JCAD: variants seen among roughly 807,000 people sequenced by gnomAD.
JCAD encodes junctional cadherin 5-associated protein.
In JCAD, 40 loss-of-function variants were observed where a neutral mutation model predicts 98.0. That is an observed-to-expected ratio of 0.41 (90% CI 0.32 to 0.53). The LOEUF is 0.53. Ranked by LOEUF, JCAD falls within the 20% of genes least tolerant of loss-of-function variation. The probability of loss-of-function intolerance (pLI) is 0.31; values close to 1 mark genes in which losing one functional copy is unlikely to be tolerated. For missense variants in JCAD, 1,705 were observed against 1,738.1 expected (o/e 0.98, Z 0.34); for synonymous variants, 691 against 682.3 (o/e 1.01, Z -0.20).
chr10:30,100,562 G>A (rs998535067), intron 1 of JCAD, among the ~76,000 whole-genome samples: 1 of 152,034 alleles, frequency 6.6e-6, no homozygotes, highest in South Asian at 2.1e-4. Flanking sequence ...TTTGGTATTT[G>A]TAGTACCGAT....
chr10:30,050,210 G>T (rs563984836), intron 1 of JCAD, among the ~76,000 whole-genome samples: 1 of 148,074 alleles, frequency 6.8e-6, no homozygotes, highest in South Asian at 2.1e-4. Flanking sequence ...AGTTACTCAA[G>T]AGCCTGAAGG....
chr10:30,065,319 G>C (rs992259506), intron 2 of JCAD, among the ~76,000 whole-genome samples: 5 of 151,998 alleles, frequency 3.3e-5, no homozygotes, highest in Admixed American at 3.3e-4. Flanking sequence ...ACCCTGGTTT[G>C]ATTATATGAA....
intron 1 of JCAD, among the ~76,000 whole-genome samples, chr10:30,103,758 G>A (rs1326722572): frequency 7.2e-6 from 1 of 138,838 alleles, no homozygotes; most frequent in African/African-American, 2.7e-5. Context: ...TTTGGACAGA[G>A]TTTTGTGTTG....
rs148641196 is a variant in JCAD, at chr10:30,042,807, C to T, written c.281+4725G>A. Among the ~76,000 whole-genome samples, 1,249 of 152,254 alleles carry T rather than the reference C, an allele frequency of 8.2e-3. 16 individuals carry two copies. Among genetic ancestry groups the T allele is most frequent in the Non-Finnish European group, 0.012 (835 of 68,008 alleles). On this transcript the variant is annotated intron_variant, in intron 2 of 3. Transcript: ENST00000375377. Reference sequence around the variant, plus strand: ...CCCTCCCTTTCCTTTCAGGTAGGTTCCACTTCCTGCCTCCCAAAGGATCTA... The same window carrying T: ...CCCTCCCTTTCCTTTCAGGTAGGTTTCACTTCCTGCCTCCCAAAGGATCTA...
At chr10:30,083,536 A>G (rs543386240) in intron 1 of JCAD, among the ~76,000 whole-genome samples, 1 of 152,376 alleles carries the variant, frequency 6.6e-6, no homozygotes, top group South Asian at 2.1e-4. Flanking sequence ...TGTTCTACTC[A>G]ATAGAGACAA....
At chr10:30,100,694 T>C (rs1356262109) in intron 1 of JCAD, among the ~76,000 whole-genome samples, 2 of 152,176 alleles carry the variant, frequency 1.3e-5, no homozygotes, top group African/African-American at 2.4e-5. Context: ...CTATTCTACT[T>C]TATTCTTAAA....
chr10:30,040,807 C>T (rs555930031), intron 2 of JCAD, among the ~76,000 whole-genome samples: 1 of 152,184 alleles, frequency 6.6e-6, no homozygotes, highest in African/African-American at 2.4e-5. Context: ...GCACAGCCAT[C>T]TTTGAGGCAA....
intron 1 of JCAD, among the ~76,000 whole-genome samples, chr10:30,098,650 C>T (rs941014451): frequency 2.6e-5 from 4 of 152,170 alleles, no homozygotes; most frequent in African/African-American, 4.8e-5. Flanking sequence ...CTAAGATTTT[C>T]GACATGACAA....
intron 1 of JCAD, among the ~76,000 whole-genome samples, chr10:30,082,427 A>T (rs1158627518): frequency 6.6e-6 from 1 of 152,224 alleles, no homozygotes; most frequent in East Asian, 1.9e-4. Context: ...ATATTTTAAA[A>T]GATGATATGG....
chr10:30,047,725 G>T lies in JCAD; in HGVS notation c.88C>A (p.Arg30Ser). Reference sequence around the variant, plus strand: ...CGTGTCCCAGTCCTCGCTGCCTGGCGCCCCTTGGGGTTATCCTCGCGTGAT... The same window carrying T: ...CGTGTCCCAGTCCTCGCTGCCTGGCTCCCCTTGGGGTTATCCTCGCGTGAT... The part of the protein sequence containing the change: ...PASREDNPKG[R>S]QAARTGTRAG... Residue 30 changes from arginine (R) to serine (S), a missense_variant, in exon 2 of 4, where the codon CGC (arginine) becomes AGC (serine). Physicochemically the swap from Arg to Ser is moderately radical, Grantham distance 110. Around this residue, in one of 3 missense-constraint regions of JCAD, gnomAD observed 152 missense variants for 148.0 expected, o/e 1.03. Coordinates refer to ENST00000375377, the MANE Select transcript of JCAD (RefSeq NM_020848.4). 6.2e-7 allele frequency: 1 copy of T among 1,614,192 alleles called. No individual in the cohort carries two copies. Among genetic ancestry groups the T allele is most frequent in the South Asian group, 1.1e-5 (1 of 91,084 alleles).
intron 1 of JCAD, among the ~76,000 whole-genome samples, chr10:30,092,115 TATATATATATAA>T (rs1162937045): frequency 0.013 from 1,484 of 112,490 alleles, 165 homozygotes; most frequent in African/African-American, 0.052. Flanking sequence ...TATATATATA[TATATATATATAA>T]AAAACATTTT....
chr10:30,020,924 C>T (rs1014390249), intron 3 of JCAD, among the ~76,000 whole-genome samples: 2 of 152,230 alleles, frequency 1.3e-5, no homozygotes, highest in Admixed American at 6.5e-5. Context: ...CCTCACATTA[C>T]ATAACACTAG....
Position 30,097,175 on chromosome 10 carries a change from C to T in JCAD, n.128+18192G>A, listed in dbSNP as rs181370146. Among the ~76,000 whole-genome samples, 7 of 152,262 alleles carry T rather than the reference C, an allele frequency of 4.6e-5. No homozygotes were observed. The East Asian group carries it at 1.2e-3, about 25-fold the overall frequency. ...TGTCTAATATGGTGGGCACTGGCCA[C>T]GTGCAGCTAGCATAACTAAGGGCTG... On this transcript the variant is annotated intron_variant and non_coding_transcript_variant, in intron 1 of 2. Transcript: ENST00000465712.
intron 1 of JCAD, among the ~76,000 whole-genome samples, chr10:30,104,070 A>G (rs981720452): frequency 3.3e-5 from 5 of 152,212 alleles, no homozygotes; most frequent in African/African-American, 1.2e-4. Flanking sequence ...AGAGGGAGGA[A>G]AAAGTTCCTA....
chr10:30,112,687 C>T (rs1334457945), intron 1 of JCAD, among the ~76,000 whole-genome samples: 1 of 151,628 alleles, frequency 6.6e-6, no homozygotes, highest in Non-Finnish European at 1.5e-5. Flanking sequence ...GCCTGGCCAA[C>T]ATGATGAAAC....
At chr10:30,080,444 G>C (rs1399764542) in intron 1 of JCAD, among the ~76,000 whole-genome samples, 3 of 152,018 alleles carry the variant, frequency 2.0e-5, no homozygotes, top group Admixed American at 6.6e-5. Flanking sequence ...TGCAATTTTG[G>C]CAATAGTCTT....
intron 1 of JCAD, among the ~76,000 whole-genome samples, chr10:30,084,659 G>C (rs1040605656): frequency 3.3e-5 from 5 of 152,174 alleles, no homozygotes; most frequent in African/African-American, 1.2e-4. Context: ...AACCCTGCTG[G>C]CCATCAGATT....
At chr10:30,062,868 G>A (rs889769896), upstream of JCAD, among the ~76,000 whole-genome samples, 2 of 152,244 alleles carry the variant, frequency 1.3e-5, no homozygotes, top group East Asian at 3.9e-4. Flanking sequence ...AGATTTGGGT[G>A]GGACACAGAG....
chr10:30,099,473 T>G (rs79416214), intron 1 of JCAD, among the ~76,000 whole-genome samples: 375 of 152,256 alleles, frequency 2.5e-3, no homozygotes, highest in African/African-American at 8.2e-3. Context: ...TAAATAACTC[T>G]CCTCTTTAGT....
Sources: allele counts gnomAD v4.1 joint callset (sites outside exome capture counted in the v4.1 genomes callset), GRCh38; gene constraint gnomAD v4.1.1; regional missense constraint gnomAD v4.1.1; transcripts MANE v1.5; gene names NCBI Gene and HGNC (gene_info 2026-07-23, HGNC 2026-07-21).